Variants in ZC3H14 observed in about 807,000 individuals in gnomAD.
The protein encoded by ZC3H14 is zinc finger CCCH domain-containing protein 14.
Under a neutral mutation model 92.4 loss-of-function variants are expected in ZC3H14, and 31 were observed. That is an observed-to-expected ratio of 0.34 (90% CI 0.25 to 0.45). The LOEUF is 0.45. ZC3H14 is among the 20% of genes least tolerant of loss of function. The probability of loss-of-function intolerance (pLI) is 1.00; values close to 1 mark genes in which losing one functional copy is unlikely to be tolerated. For missense variants in ZC3H14, 781 were observed against 897.3 expected, an observed-to-expected ratio of 0.87 and a Z score of 1.66; for synonymous variants, 321 against 300.9, an observed-to-expected ratio of 1.07 and a Z score of -0.69.
intron 1 of ZC3H14, chr14:88,563,435 G>T (rs2079127578): frequency 2.0e-5 from 28 of 1,432,966 alleles, no homozygotes; most frequent in Admixed American, 3.0e-5. Flanking sequence ...GCACGGCGCC[G>T]CTTTGGATCC....
intron 2 of ZC3H14, 24 bp from the exon 3 acceptor site, chr14:88,568,015 T>C (rs1411083228): frequency 6.3e-7 from 1 of 1,598,888 alleles, no homozygotes; most frequent in Admixed American, 1.7e-5. Context: ...AACAAAGTTT[T>C]GATCTACCTT....
Position 88,572,819 on chromosome 14 carries a change from A to G in ZC3H14, c.673A>G (p.Ser225Gly), listed in dbSNP as rs779251835. The G allele has an allele frequency of 1.7e-5, 27 of 1,614,104 alleles. 1 individual carries two copies. The highest frequency in any genetic ancestry group is 7.6e-6 in the Non-Finnish European group (9 of 1,180,048). ...YRPPASRNADSGVHLNRLQFQ... is the reference protein window; with the variant it reads ...YRPPASRNADGGVHLNRLQFQ... Reference sequence around the variant, plus strand: ...ACCACCTGCAAGTAGAAATGCAGATAGTGGTGTTCATTTAAACAGGTTGCA... The same window carrying G: ...ACCACCTGCAAGTAGAAATGCAGATGGTGGTGTTCATTTAAACAGGTTGCA... Residue 225 changes from serine to glycine, a missense_variant, in exon 6 of 17, where the codon AGT becomes GGT. Transcript: ENST00000251038.
intron 3 of ZC3H14, 62 bp from the exon 4 acceptor site, chr14:88,571,022 A>T: frequency 6.9e-6 from 9 of 1,303,978 alleles, no homozygotes; most frequent in Non-Finnish European, 9.4e-6. Flanking sequence ...ATTTAGAGTG[A>T]CAGTTGAAAT....
Position 88,626,193 on chromosome 14 carries a change from T to C in ZC3H14, c.*14442T>C, listed in dbSNP as rs1467065218. 6.6e-6 allele frequency: 1 copy of C among 152,284 alleles called. No individual in the cohort carries two copies. The highest frequency in any genetic ancestry group is 1.5e-5 in the Non-Finnish European group (1 of 68,102). The allele number at this position is 152,284 out of a possible 1,614,324, so 9.4% of individuals were successfully genotyped here. A position where few individuals can be genotyped will look rare whatever the true frequency, so the allele number is the denominator to read the frequency against. ...TAAATCATTTGAAAATCATGTTTCT[T>C]GATTTACCTTTCTCTCTGACAAATT... On this transcript the variant is annotated 3_prime_UTR_variant, in exon 17 of 17. Coordinates refer to ENST00000251038, the MANE Select transcript of ZC3H14 (RefSeq NM_024824.5).
chr14:88,627,132 C>CA lies in ZC3H14; in HGVS notation c.*15387dup, dbSNP rs1286857001. 1 of 1,393,366 alleles carries CA rather than the reference C, an allele frequency of 7.2e-7. No individual in the cohort carries two copies. Among genetic ancestry groups the CA allele is most frequent in the Non-Finnish European group, 1.0e-6 (1 of 997,512 alleles). 86.3% of individuals were successfully genotyped at this position (1,393,366 alleles called of 1,614,324 possible). On this transcript the variant is annotated 3_prime_UTR_variant, in exon 17 of 17. Coordinates refer to ENST00000251038, the MANE Select transcript of ZC3H14 (RefSeq NM_024824.5). ...AAACAAATATGTAAAATACATAGTT[C>CA]AAAAAACAAAGGCTTAGAAGAGAGG...
At position 88,627,356 on chromosome 14, in the gene ZC3H14, CCAAT is replaced by C. The variant is rs2090071944; in HGVS notation, c.*15609_*15612del. 1 of 449,810 alleles carries C rather than the reference CCAAT, an allele frequency of 2.2e-6. No individual in the cohort carries two copies. The highest frequency in any genetic ancestry group is 3.9e-5 in the Admixed American group (1 of 25,858). 27.9% of individuals were successfully genotyped at this position (449,810 alleles called of 1,614,324 possible). ...ATAATTTTCATAAGAATCTCCAAAA[CCAAT>C]CAAATCATTAATAATAAATACATAG... On this transcript the variant is annotated 3_prime_UTR_variant, in exon 17 of 17. Coordinates refer to ENST00000251038, the MANE Select transcript of ZC3H14 (RefSeq NM_024824.5).
chr14:88,573,001 T>C lies in ZC3H14; in HGVS notation c.855T>C (p.Ser285=), dbSNP rs1396081792. ...PFFRNNSEKM[S]MEDENFRKRK... ...TTAGAAACAACTCGGAGAAAATGAG[T>C]ATGGAGGTTTGTATGTACTTTTAAA... Residue 285 remains serine, a synonymous_variant, in exon 6 of 17, where the codon AGT becomes AGC. Transcript: ENST00000251038. 1 of 1,613,644 alleles carries C rather than the reference T, an allele frequency of 6.2e-7. No homozygotes were observed. The highest frequency in any genetic ancestry group is 8.5e-7 in the Non-Finnish European group (1 of 1,179,988).
At chr14:88,567,915 A>G (rs763301681) in intron 2 of ZC3H14, 124 bp from the exon 3 acceptor site, 40 of 781,828 alleles carry the variant, frequency 5.1e-5, no homozygotes, top group Admixed American at 3.0e-4. Flanking sequence ...ATCTTGTCCA[A>G]TGTAATTCCA....
chr14:88,614,571 T>G lies in ZC3H14; in HGVS notation c.*2820T>G, dbSNP rs2087300817. ...TAAAGATAATTAACACATTAAAAAC[T>G]CATAGGGTCAATACAGCATCTTAAA... On this transcript the variant is annotated 3_prime_UTR_variant, in exon 17 of 17. Coordinates refer to ENST00000251038, the MANE Select transcript of ZC3H14 (RefSeq NM_024824.5). The G allele has an allele frequency of 6.6e-6, 1 of 152,210 alleles. No individual in the cohort carries two copies. The highest frequency in any genetic ancestry group is 2.4e-5 in the African/African-American group (1 of 41,452). 9.4% of individuals were successfully genotyped at this position (152,210 alleles called of 1,614,324 possible). A position where few individuals can be genotyped will look rare whatever the true frequency, so the allele number is the denominator to read the frequency against.
chr14:88,609,122 T>TTATTTTAAAA (rs1451394883), intron 13 of ZC3H14, 145 bp from the exon 14 acceptor site: 1 of 971,910 alleles, frequency 1.0e-6, no homozygotes, highest in Non-Finnish European at 1.5e-6. Context: ...ATATATGGTC[T>TTATTTTAAAA]TATTTTAAAA....
In ZC3H14 at chr14:88,615,631, G is replaced by A. The variant is rs946882440; in HGVS notation, c.*3880G>A. ...CATTATCTGGCAGTGTATGGATTAC[G>A]GATTATACCCAGTGCATATAGCAAA... On this transcript the variant is annotated 3_prime_UTR_variant, in exon 17 of 17. Transcript: ENST00000251038. 3.9e-5 allele frequency: 22 copies of A among 567,026 alleles called. No homozygotes were observed. Among genetic ancestry groups the A allele is most frequent in the East Asian group, 2.9e-4 (10 of 33,944 alleles). The allele number at this position is 567,026 out of a possible 1,614,324, so 35.1% of individuals were successfully genotyped here. A position where few individuals can be genotyped will look rare whatever the true frequency, so the allele number is the denominator to read the frequency against.
Position 88,622,848 on chromosome 14 carries a change from A to T in ZC3H14, c.*11097A>T, listed in dbSNP as rs995181184. The stretch of plus-strand genomic sequence containing the variant: ...CCCTGATATTTATAATTTACCTCTA[A>T]TATTCTTGTAAACTTTCTATGGCAA... On this transcript the variant is annotated 3_prime_UTR_variant, in exon 17 of 17. Coordinates refer to ENST00000251038, the MANE Select transcript of ZC3H14 (RefSeq NM_024824.5). The T allele has an allele frequency of 1.3e-5, 7 of 540,344 alleles. No individual in the cohort carries two copies. The highest frequency in any genetic ancestry group is 2.2e-5 in the Non-Finnish European group (7 of 322,796). 33.5% of individuals were successfully genotyped at this position (540,344 alleles called of 1,614,324 possible).
Position 88,620,934 on chromosome 14 carries a change from TAAAAA to T in ZC3H14, c.*9196_*9200del, listed in dbSNP as rs35953031. The T allele has an allele frequency of 2.6e-5, 35 of 1,372,336 alleles. No individual in the cohort carries two copies. Among genetic ancestry groups the T allele is most frequent in the South Asian group, 1.9e-4 (12 of 62,302 alleles). The allele number at this position is 1,372,336 out of a possible 1,614,324, so 85.0% of individuals were successfully genotyped here. A position where few individuals can be genotyped will look rare whatever the true frequency, so the allele number is the denominator to read the frequency against. On this transcript the variant is annotated 3_prime_UTR_variant, in exon 17 of 17. Transcript: ENST00000251038. The surrounding 1 kb of genome is among the most constrained non-coding windows in gnomAD (Gnocchi z 4.3). ...CACTTTGTTTAACATCTTCTGCATT[TAAAAA>T]AAAAAAAAAAAAGAGTCATAGGAAA...
In ZC3H14 at chr14:88,626,410, T is replaced by C. The variant is rs1002035825; in HGVS notation, c.*14659T>C. The C allele has an allele frequency of 1.8e-5, 3 of 170,502 alleles. No individual in the cohort carries two copies. The highest frequency in any genetic ancestry group is 7.2e-5 in the African/African-American group (3 of 41,738). The allele number at this position is 170,502 out of a possible 1,614,324, so 10.6% of individuals were successfully genotyped here. A position where few individuals can be genotyped will look rare whatever the true frequency, so the allele number is the denominator to read the frequency against. ...GTCAAGATGGGAGGATCACATAGCT[T>C]AGGAGCTTGAGACCACCTAGGCAAC... On this transcript the variant is annotated 3_prime_UTR_variant, in exon 17 of 17. Transcript: ENST00000251038.
chr14:88,620,599 A>G lies in ZC3H14; in HGVS notation c.*8848A>G. The stretch of plus-strand genomic sequence containing the variant: ...TATAATTTAGCAAGAAGAATTAAGT[A>G]GTATACAAACAGCCATATTTTAGCA... On this transcript the variant is annotated 3_prime_UTR_variant, in exon 17 of 17. Transcript: ENST00000251038. This position sits in a 1 kb window ranked among gnomAD's most constrained non-coding sequence, Gnocchi z 4.3. 1.7e-6 allele frequency: 1 copy of G among 572,902 alleles called. No individual in the cohort carries two copies. The allele number at this position is 572,902 out of a possible 1,614,324, so 35.5% of individuals were successfully genotyped here. A position where few individuals can be genotyped will look rare whatever the true frequency, so the allele number is the denominator to read the frequency against.
intron 9 of ZC3H14, among the ~76,000 whole-genome samples, chr14:88,581,859 C>T (rs2081952930): frequency 1.3e-5 from 2 of 152,194 alleles, no homozygotes; most frequent in African/African-American, 4.8e-5. Context: ...AACTAGTCAC[C>T]TTCTGGAAGG....
At chr14:88,603,692 C>T (rs1481717471) in intron 12 of ZC3H14, among the ~76,000 whole-genome samples, 1 of 152,146 alleles carries the variant, frequency 6.6e-6, no homozygotes, top group Non-Finnish European at 1.5e-5. Context: ...TAATTATGTT[C>T]CTTATATCTT....
In ZC3H14 at chr14:88,626,063, T is replaced by C. The variant is rs12436828; in HGVS notation, c.*14312T>C. 27,933 of 152,102 alleles carry C rather than the reference T, an allele frequency of 0.18. 3,096 individuals carry two copies. Among genetic ancestry groups the C allele is most frequent in the East Asian group, 0.47 (2,413 of 5,146 alleles). 9.4% of individuals were successfully genotyped at this position (152,102 alleles called of 1,614,324 possible). On this transcript the variant is annotated 3_prime_UTR_variant, in exon 17 of 17. Coordinates refer to ENST00000251038, the MANE Select transcript of ZC3H14 (RefSeq NM_024824.5). The stretch of plus-strand genomic sequence containing the variant: ...ATTTCCTTCTGTCTCACTACCTCCT[T>C]CTTCCCTCGAAGTAGAGACACTGGC...
intron 7 of ZC3H14, among the ~76,000 whole-genome samples, chr14:88,575,157 C>T (rs147699898): frequency 2.0e-5 from 3 of 151,944 alleles, no homozygotes; most frequent in East Asian, 3.9e-4. Flanking sequence ...AGGCTGGTCT[C>T]GAACTCCTGA....
Sources: allele counts gnomAD v4.1 joint callset (sites outside exome capture counted in the v4.1 genomes callset), GRCh38; gene constraint gnomAD v4.1.1; non-coding constraint Gnocchi (gnomAD v3.1); transcripts MANE v1.5; gene names NCBI Gene and HGNC (gene_info 2026-07-23, HGNC 2026-07-21).